The following PARD3 variants were observed in gnomAD, a reference collection of about 807,000 sequenced individuals.
PARD3 encodes partitioning defective 3 homolog.
A neutral mutation model predicts 155.4 loss-of-function variants in PARD3; 75 were observed. The observed-to-expected ratio is 0.48, with a 90% CI of 0.40 to 0.58. The LOEUF is 0.58. Ranked by LOEUF, PARD3 falls within the 20% of genes least tolerant of loss-of-function variation. The pLI, the probability that PARD3 is intolerant of heterozygous loss-of-function variation, is 0.00. For missense variants in PARD3, 1,642 were observed against 1,721.7 expected (o/e 0.95, Z 0.82); for synonymous variants, 576 against 610.5 (o/e 0.94, Z 0.83).
chr10:34,462,049 T>A (rs889540293), intron 4 of PARD3, among the ~76,000 whole-genome samples: 2 of 152,228 alleles, frequency 1.3e-5, no homozygotes, highest in Non-Finnish European at 2.9e-5. Context: ...CCATACTGAC[T>A]GAAAGTTCGA....
At chr10:34,747,681 G>A (rs1835480231) in intron 1 of PARD3, among the ~76,000 whole-genome samples, 1 of 152,188 alleles carries the variant, frequency 6.6e-6, no homozygotes, top group Non-Finnish European at 1.5e-5. Context: ...CACCATGCCA[G>A]GTTCCCTCAC....
At chr10:34,334,294 T>C (rs1245465097) in intron 18 of PARD3, among the ~76,000 whole-genome samples, 4 of 140,614 alleles carry the variant, frequency 2.8e-5, no homozygotes, top group Non-Finnish European at 3.0e-5. Flanking sequence ...ATCATAATCA[T>C]ACTATTTTCC....
intron 2 of PARD3, among the ~76,000 whole-genome samples, chr10:34,570,175 T>C (rs1362928067): frequency 6.6e-6 from 1 of 152,254 alleles, no homozygotes; most frequent in African/African-American, 2.4e-5. Flanking sequence ...TTTCAATTTC[T>C]ACCCATTGTT....
At chr10:34,398,839 G>A (rs1843608680) in intron 7 of PARD3, among the ~76,000 whole-genome samples, 1 of 151,956 alleles carries the variant, frequency 6.6e-6, no homozygotes, top group Non-Finnish European at 1.5e-5. Flanking sequence ...AGAAATCTAT[G>A]GCTTGCCTAA....
At chr10:34,456,203 A>T (rs1309014164) in intron 4 of PARD3, among the ~76,000 whole-genome samples, 2 of 152,244 alleles carry the variant, frequency 1.3e-5, no homozygotes, top group Non-Finnish European at 2.9e-5. Flanking sequence ...AACCAGAAAC[A>T]CTGGTCAGAA....
chr10:34,575,638 G>A (rs1480786880), intron 2 of PARD3, among the ~76,000 whole-genome samples: 2 of 152,188 alleles, frequency 1.3e-5, no homozygotes, highest in African/African-American at 4.8e-5. Flanking sequence ...GCTCATGCCT[G>A]TAATCCCAGC....
intron 22 of PARD3, among the ~76,000 whole-genome samples, chr10:34,166,906 T>G (rs1949555959): frequency 6.6e-6 from 1 of 152,238 alleles, no homozygotes; most frequent in Non-Finnish European, 1.5e-5. Flanking sequence ...ATGCCAAATA[T>G]TCTATCTGAA....
chr10:34,463,663 C>G (rs535298568), intron 4 of PARD3, among the ~76,000 whole-genome samples: 1 of 152,184 alleles, frequency 6.6e-6, no homozygotes, highest in South Asian at 2.1e-4. Context: ...GTACTAGATT[C>G]TAGTCTGCAT....
At chr10:34,695,739 G>C (rs529037462) in intron 2 of PARD3, among the ~76,000 whole-genome samples, 50 of 152,268 alleles carry the variant, frequency 3.3e-4, no homozygotes, top group Non-Finnish European at 4.9e-4. Context: ...AGAAAAGGCC[G>C]AGCTTCCTGA....
At chr10:34,317,025 G>A (rs1019106672) in intron 20 of PARD3, 82 bp downstream of exon 20, 30 of 1,308,036 alleles carry the variant, frequency 2.3e-5, no homozygotes, top group Admixed American at 1.4e-4. Context: ...GTGCACTACC[G>A]TGTCCAGTTT....
chr10:34,482,521 C>T (rs903445961), intron 3 of PARD3, among the ~76,000 whole-genome samples: 2 of 151,908 alleles, frequency 1.3e-5, no homozygotes, highest in African/African-American at 2.4e-5. Context: ...TACTCCCCAG[C>T]GACTGGCTCA....
intron 22 of PARD3, among the ~76,000 whole-genome samples, chr10:34,238,196 T>G (rs1413017595): frequency 1.3e-5 from 2 of 152,320 alleles, no homozygotes; most frequent in Non-Finnish European, 2.9e-5. Flanking sequence ...TTCTTTTCAC[T>G]CTGCATTTCA....
At chr10:34,756,059 C>A (rs1836678675) in intron 1 of PARD3, among the ~76,000 whole-genome samples, 1 of 151,374 alleles carries the variant, frequency 6.6e-6, no homozygotes, top group African/African-American at 2.4e-5. Flanking sequence ...GAGAGAGGGG[C>A]TAGGATGCTA....
At chr10:34,384,627 CAGCTGGCACGCT>C (rs1842164376) in intron 7 of PARD3, among the ~76,000 whole-genome samples, 1 of 152,106 alleles carries the variant, frequency 6.6e-6, no homozygotes, top group Non-Finnish European at 1.5e-5. Context: ...TGTTTTAAGC[CAGCTGGCACGCT>C]AGCTTAAAAG....
chr10:34,546,542 GTT>G (rs2084080083), intron 2 of PARD3, among the ~76,000 whole-genome samples: 5 of 150,292 alleles, frequency 3.3e-5, no homozygotes, highest in African/African-American at 7.4e-5. Flanking sequence ...GAATTTTGTT[GTT>G]GTTTTTTTTT....
intron 20 of PARD3, among the ~76,000 whole-genome samples, chr10:34,296,830 A>G (rs1564558163): frequency 6.6e-6 from 1 of 152,210 alleles, no homozygotes; most frequent in East Asian, 1.9e-4. Flanking sequence ...AAGTAATCAC[A>G]AGAGAGTTAG....
chr10:34,143,226 G>C (rs879290339), intron 22 of PARD3, among the ~76,000 whole-genome samples: 1 of 152,074 alleles, frequency 6.6e-6, no homozygotes, highest in South Asian at 2.1e-4. Flanking sequence ...AAGCTGAATC[G>C]CTTGAACCCA....
chr10:34,812,261 T>C (rs1282272050), intron 1 of PARD3, among the ~76,000 whole-genome samples: 1 of 152,232 alleles, frequency 6.6e-6, no homozygotes, highest in African/African-American at 2.4e-5. Flanking sequence ...TTATTTTTTA[T>C]TTTTGGCTTG....
At chr10:34,448,950 A>G (rs1190213501) in intron 5 of PARD3, among the ~76,000 whole-genome samples, 1 of 138,342 alleles carries the variant, frequency 7.2e-6, no homozygotes, top group Admixed American at 7.5e-5. Flanking sequence ...AGAGAGTCTC[A>G]CTCTGTCGCC....
Sources: gnomAD v4.1 joint callset for allele counts (sites outside exome capture counted in the v4.1 genomes callset) on GRCh38, gnomAD v4.1.1 for gene constraint, MANE v1.5 for transcripts, NCBI Gene and HGNC (gene_info 2026-07-23, HGNC 2026-07-21) for gene names.